SKIC8: variants seen among roughly 807,000 people sequenced by gnomAD.
SKIC8 encodes superkiller complex protein 8.
chr15:78,289,838 T>C, the SKIC8 span: 2 of 1,537,800 alleles, frequency 1.3e-6, no homozygotes, highest in East Asian at 2.3e-5. Context: ...ACCACACCAG[T>C]GAGACAGCAG....
the SKIC8 span, chr15:78,294,780 TG>T: frequency 8.2e-6 from 5 of 611,946 alleles, no homozygotes; most frequent in Admixed American, 3.1e-5. Flanking sequence ...TTGTTGTTGT[TG>T]TTGTTGTTGT....
chr15:78,285,913 G>C, the SKIC8 span: 2 of 713,710 alleles, frequency 2.8e-6, no homozygotes, highest in African/African-American at 3.6e-5. Flanking sequence ...AAAATTTTAA[G>C]AACTGCAGAA....
chr15:78,292,609 C>T, the SKIC8 span: 1 of 1,614,130 alleles, frequency 6.2e-7, no homozygotes. Context: ...ACAAGTAAAA[C>T]TCTTACCAGG....
chr15:78,298,797 G>A, the SKIC8 span, among the ~76,000 whole-genome samples: 2 of 152,254 alleles, frequency 1.3e-5, no homozygotes, highest in East Asian at 1.9e-4. Flanking sequence ...CCGCAGATAA[G>A]GGGGGAACTA....
At chr15:78,285,061 C>A in the SKIC8 span, 1 of 569,398 alleles carries the variant, frequency 1.8e-6, no homozygotes, top group Non-Finnish European at 3.1e-6. Flanking sequence ...AGTTGCTAGG[C>A]TGACAGCACA....
At chr15:78,292,971 T>C in the SKIC8 span, 1 of 932,506 alleles carries the variant, frequency 1.1e-6, no homozygotes, top group Non-Finnish European at 1.6e-6. Flanking sequence ...TTAAGATTTT[T>C]TTTTTTTAAC....
the SKIC8 span, chr15:78,283,886 A>G: frequency 2.8e-3 from 460 of 162,710 alleles, 3 homozygotes; most frequent in African/African-American, 0.01. Flanking sequence ...GAGCCCCACA[A>G]CTACCCCGAG....
chr15:78,297,307 G>A, the SKIC8 span, among the ~76,000 whole-genome samples: 1 of 152,290 alleles, frequency 6.6e-6, no homozygotes, highest in East Asian at 1.9e-4. Flanking sequence ...GAGAACATGT[G>A]CATCAGGCAA....
the SKIC8 span, chr15:78,284,823 A>G: frequency 6.4e-6 from 1 of 156,492 alleles, no homozygotes; most frequent in African/African-American, 2.4e-5. Context: ...ACTATATTAA[A>G]AAAAAAAAAA....
chr15:78,288,184 ACTTGAG>A, the SKIC8 span: 1 of 1,197,760 alleles, frequency 8.3e-7, no homozygotes, highest in Non-Finnish European at 1.2e-6. Context: ...GTCTGATGTG[ACTTGAG>A]CACAGGTCTT....
the SKIC8 span, chr15:78,289,888 G>A: frequency 6.3e-7 from 1 of 1,585,146 alleles, no homozygotes; most frequent in Non-Finnish European, 8.6e-7. Context: ...GGCAAGGACT[G>A]CAACAGGCTG....
At chr15:78,294,083 G>A in the SKIC8 span, among the ~76,000 whole-genome samples, 1 of 152,188 alleles carries the variant, frequency 6.6e-6, no homozygotes, top group Non-Finnish European at 1.5e-5. Context: ...ACCACAGACA[G>A]CGTTGTGGCT....
At chr15:78,290,816 CTTTTTTTT>C in the SKIC8 span, 1 of 149,886 alleles carries the variant, frequency 6.7e-6, no homozygotes, top group Non-Finnish European at 1.5e-5. Flanking sequence ...CCCATTCTTC[CTTTTTTTT>C]TTTGAGATTG....
the SKIC8 span, among the ~76,000 whole-genome samples, chr15:78,296,694 G>A: frequency 6.6e-6 from 1 of 152,028 alleles, no homozygotes; most frequent in Non-Finnish European, 1.5e-5. Context: ...GTAGAGATGG[G>A]GTCTCCCTAT....
chr15:78,289,152 T>G, the SKIC8 span, among the ~76,000 whole-genome samples: 10 of 152,212 alleles, frequency 6.6e-5, no homozygotes, highest in Non-Finnish European at 1.3e-4. Flanking sequence ...TGGTGGCTCA[T>G]GTCTGTAATC....
chr15:78,295,896 G>T, the SKIC8 span: 1 of 483,144 alleles, frequency 2.1e-6, no homozygotes, highest in South Asian at 5.2e-5. Context: ...CAGGTGGTAT[G>T]GTCTTCTTTC....
the SKIC8 span, chr15:78,286,742 C>G: frequency 6.6e-6 from 1 of 152,254 alleles, no homozygotes; most frequent in Non-Finnish European, 1.5e-5. Context: ...CAATTTTACC[C>G]CTAAACACAG....
chr15:78,294,857 G>C, the SKIC8 span: 1 of 1,511,874 alleles, frequency 6.6e-7, no homozygotes, highest in South Asian at 1.1e-5. Flanking sequence ...CTTGAAAACT[G>C]CATGTCTGGT....
At chr15:78,288,843 C>T in the SKIC8 span, 1 of 407,338 alleles carries the variant, frequency 2.5e-6, no homozygotes, top group African/African-American at 2.1e-5. Flanking sequence ...TCCAACCTAC[C>T]CCTGTTCTTT....
Sources: gnomAD v4.1 joint callset for allele counts (sites outside exome capture counted in the v4.1 genomes callset) on GRCh38, gnomAD v4.1.1 for gene constraint, MANE v1.5 for transcripts, NCBI Gene and HGNC (gene_info 2026-07-23, HGNC 2026-07-21) for gene names.